LHFPL3: variants seen among roughly 807,000 people sequenced by gnomAD.
LHFPL3 encodes LHFPL tetraspan subfamily member 3 protein.
LHFPL3 carries 5 observed loss-of-function variants against 19.3 expected under a neutral mutation model. The observed-to-expected ratio is 0.26, with a 90% CI of 0.14 to 0.54. LHFPL3 has a LOEUF of 0.54. LHFPL3 is among the 20% of genes least tolerant of loss of function. LHFPL3 has a pLI of 0.94. For synonymous variants in LHFPL3, 133 were observed against 126.2 expected, an observed-to-expected ratio of 1.05 and a Z score of -0.36; for missense variants, 249 against 307.4, an observed-to-expected ratio of 0.81 and a Z score of 1.42.
chr7:104,788,883 G>C (rs1208064028), intron 2 of LHFPL3, among the ~76,000 whole-genome samples: 2 of 152,144 alleles, frequency 1.3e-5, no homozygotes, highest in Non-Finnish European at 2.9e-5. Context: ...TCTAAAGTCA[G>C]TAGGCAAGGC....
chr7:104,578,527 A>G (rs1160306729), intron 1 of LHFPL3, among the ~76,000 whole-genome samples: 1 of 152,206 alleles, frequency 6.6e-6, no homozygotes, highest in Admixed American at 6.5e-5. Flanking sequence ...GTTTGATATT[A>G]TAATGTATGA....
intron 1 of LHFPL3, among the ~76,000 whole-genome samples, chr7:104,385,764 C>A (rs1412336785): frequency 6.6e-6 from 1 of 152,086 alleles, no homozygotes; most frequent in Non-Finnish European, 1.5e-5. Flanking sequence ...AATGTGTGGA[C>A]TATAAATGTT....
intron 2 of LHFPL3, among the ~76,000 whole-genome samples, chr7:104,892,708 C>T (rs1278275619): frequency 1.5e-5 from 1 of 68,476 alleles, no homozygotes; most frequent in Non-Finnish European, 2.8e-5. Flanking sequence ...GAGACTGTCT[C>T]AAAAAAAAAA....
intron 1 of LHFPL3, among the ~76,000 whole-genome samples, chr7:104,603,074 CTT>C (rs1258294993): frequency 5.1e-5 from 3 of 58,500 alleles, no homozygotes; most frequent in Admixed American, 1.6e-4. Context: ...CTTTTTCTTT[CTT>C]TCTTTCTTTC....
At chr7:104,419,438 C>T (rs1290175211) in intron 1 of LHFPL3, among the ~76,000 whole-genome samples, 2 of 152,112 alleles carry the variant, frequency 1.3e-5, no homozygotes, top group East Asian at 1.9e-4. Context: ...GTTTGAAAGA[C>T]ATTGCCAAGT....
At position 104,586,100 on chromosome 7, in the gene LHFPL3, G is replaced by A. The variant is rs549077431; in HGVS notation, c.446-150575G>A. ...AATGAAAATCTGAATTAGGATATCA[G>A]AACGTCCATAAATTGTGGGGAAAGT... On this transcript the variant is annotated intron_variant, in intron 1 of 2. Coordinates refer to ENST00000424859, the MANE Select transcript of LHFPL3 (RefSeq NM_199000.3). Among the ~76,000 whole-genome samples, 5 of 152,184 alleles carry A rather than the reference G, an allele frequency of 3.3e-5. No homozygotes were observed. In the South Asian group the frequency reaches 1.0e-3, roughly 32 times the overall value.
intron 1 of LHFPL3, among the ~76,000 whole-genome samples, chr7:104,581,271 C>G (rs1323770974): frequency 6.6e-6 from 1 of 152,036 alleles, no homozygotes; most frequent in East Asian, 1.9e-4. Context: ...TCCTTGAAGA[C>G]TAATGATGTT....
intron 1 of LHFPL3, among the ~76,000 whole-genome samples, chr7:104,622,042 C>G (rs151164647): frequency 6.6e-6 from 1 of 152,132 alleles, no homozygotes. Flanking sequence ...ACAAAGAATC[C>G]CTTTGAATAT....
At chr7:104,498,900 T>C (rs1034125742) in intron 1 of LHFPL3, among the ~76,000 whole-genome samples, 1 of 152,214 alleles carries the variant, frequency 6.6e-6, no homozygotes, top group Non-Finnish European at 1.5e-5. Context: ...TTTAAGTAAA[T>C]TTTAAAATGG....
chr7:104,662,899 A>G (rs867834546), intron 1 of LHFPL3, among the ~76,000 whole-genome samples: 3 of 152,212 alleles, frequency 2.0e-5, no homozygotes, highest in Admixed American at 6.5e-5. Flanking sequence ...CACTCTTTAG[A>G]CATTTTAAAC....
chr7:104,772,114 G>A (rs773739173), intron 2 of LHFPL3, among the ~76,000 whole-genome samples: 1 of 151,938 alleles, frequency 6.6e-6, no homozygotes, highest in African/African-American at 2.4e-5. Context: ...CACAACGCCC[G>A]GCCCTTTTGC....
chr7:104,884,128 C>T (rs1222916233), intron 2 of LHFPL3, among the ~76,000 whole-genome samples: 1 of 152,072 alleles, frequency 6.6e-6, no homozygotes, highest in Non-Finnish European at 1.5e-5. Flanking sequence ...ATACCTATAC[C>T]GTGCCTGATG....
At chr7:104,725,409 C>CTA in intron 1 of LHFPL3, among the ~76,000 whole-genome samples, 1 of 152,320 alleles carries the variant, frequency 6.6e-6, no homozygotes, top group Middle Eastern at 3.4e-3. Flanking sequence ...AGTTATTCTT[C>CTA]AGGTGATTCC....
intron 1 of LHFPL3, among the ~76,000 whole-genome samples, chr7:104,332,996 A>G (rs1801599947): frequency 6.6e-6 from 1 of 152,080 alleles, no homozygotes; most frequent in Non-Finnish European, 1.5e-5. Flanking sequence ...ACTAAAAGGA[A>G]AAGAGTAGAT....
At chr7:104,673,707 GT>G (rs1412773172) in intron 1 of LHFPL3, among the ~76,000 whole-genome samples, 1 of 152,218 alleles carries the variant, frequency 6.6e-6, no homozygotes, top group Non-Finnish European at 1.5e-5. Context: ...GAGACTGTGA[GT>G]TTAGAAACAT....
chr7:104,727,627 G>A (rs957949194), intron 1 of LHFPL3, among the ~76,000 whole-genome samples: 3 of 152,110 alleles, frequency 2.0e-5, no homozygotes, highest in African/African-American at 4.8e-5. Context: ...ATTGCAAATC[G>A]GAAGAATTTC....
At chr7:104,542,324 G>A (rs1442955295) in intron 1 of LHFPL3, among the ~76,000 whole-genome samples, 9 of 152,036 alleles carry the variant, frequency 5.9e-5, no homozygotes, top group Non-Finnish European at 1.3e-4. Flanking sequence ...TATAACTGGT[G>A]AAGACCCCTG....
chr7:104,581,910 A>G (rs929278832), intron 1 of LHFPL3, among the ~76,000 whole-genome samples: 2 of 151,992 alleles, frequency 1.3e-5, no homozygotes, highest in African/African-American at 4.8e-5. Flanking sequence ...ATTAAATTCA[A>G]GTACTGAAGT....
intron 1 of LHFPL3, among the ~76,000 whole-genome samples, chr7:104,659,164 C>G (rs561321449): frequency 6.6e-6 from 1 of 152,328 alleles, no homozygotes; most frequent in East Asian, 1.9e-4. Flanking sequence ...CAGGGCCAGC[C>G]CCAGGTAAGC....
Sources: gnomAD v4.1 joint callset for allele counts (sites outside exome capture counted in the v4.1 genomes callset) on GRCh38, gnomAD v4.1.1 for gene constraint, MANE v1.5 for transcripts, NCBI Gene and HGNC (gene_info 2026-07-23, HGNC 2026-07-21) for gene names.